Variants in UBE2U observed in about 807,000 individuals in gnomAD.
The protein encoded by UBE2U is ubiquitin-conjugating enzyme E2 U.
In UBE2U, 39 loss-of-function variants were observed where a neutral mutation model predicts 41.2. The observed-to-expected ratio is 0.95, with a 90% CI of 0.73 to 1.24. The LOEUF (loss-of-function observed/expected upper bound fraction) is 1.24, where lower values mean the gene tolerates loss of function less well. Ranked by LOEUF, UBE2U falls within the 50% of genes most tolerant of loss-of-function variation. The probability of loss-of-function intolerance (pLI) is 0.00; values close to 1 mark genes in which losing one functional copy is unlikely to be tolerated. For missense variants in UBE2U, 336 were observed against 363.1 expected, an observed-to-expected ratio of 0.93 and a Z score of 0.61; for synonymous variants, 107 against 117.8, an observed-to-expected ratio of 0.91 and a Z score of 0.60.
intron 6 of UBE2U, among the ~76,000 whole-genome samples, chr1:64,221,646 C>T (rs989758843): frequency 2.6e-5 from 4 of 152,136 alleles, no homozygotes; most frequent in Admixed American, 1.3e-4. Context: ...ACATACGGTT[C>T]GGCGGCATTT....
At chr1:64,220,721 CT>C (rs1223641939) in intron 5 of UBE2U, 137 bp from the exon 6 acceptor site, 5 of 691,922 alleles carry the variant, frequency 7.2e-6, no homozygotes, top group African/African-American at 1.9e-5. Context: ...TGTCATCTTT[CT>C]TTTGCTCTCC....
intron 3 of UBE2U, among the ~76,000 whole-genome samples, chr1:64,209,265 A>T (rs776958708): frequency 6.6e-6 from 1 of 152,182 alleles, no homozygotes; most frequent in Non-Finnish European, 1.5e-5. Context: ...TCCATAAAGT[A>T]GAGGGAACTT....
At chr1:64,247,778 C>T (rs1644944926) in intron 8 of UBE2U, among the ~76,000 whole-genome samples, 1 of 151,132 alleles carries the variant, frequency 6.6e-6, no homozygotes, top group Non-Finnish European at 1.5e-5. Context: ...GTGAGAGGAA[C>T]ATTTGAGCCC....
chr1:64,252,568 G>A (rs940598236), intron 8 of UBE2U, among the ~76,000 whole-genome samples: 1 of 152,124 alleles, frequency 6.6e-6, no homozygotes, highest in African/African-American at 2.4e-5. Context: ...CATCTTTGCT[G>A]TTTTGCAGCC....
rs75482382 is a variant in UBE2U at position 64,241,680 on chromosome 1, G to A, written c.624G>A (p.Gln208=). The A allele has an allele frequency of 3.2e-4, 508 of 1,608,906 alleles. 1 individual carries two copies. In the African/African-American group the frequency reaches 6.3e-3, roughly 20 times the overall value. The change falls in exon 8 of 10, where the codon CAG becomes CAA. Residue 208 remains glutamine, a synonymous_variant. Coordinates refer to ENST00000371077, the MANE Select transcript of UBE2U (RefSeq NM_001366232.2). The stretch of plus-strand genomic sequence containing the variant: ...TCAAAGTTCCAAATTTCATTGGACA[G>A]TATTACAAATGGAAGAAAATGGATC... ...PLLKVPNFIG[Q]YYKWKKMDLQ...
At position 64,210,834 on chromosome 1, in the gene UBE2U, C is replaced by T. The variant is rs750929939; in HGVS notation, c.334C>T (p.Leu112=). 54 of 1,595,206 alleles carry T rather than the reference C, an allele frequency of 3.4e-5. No homozygotes were observed. The highest frequency in any genetic ancestry group is 4.0e-5 in the Non-Finnish European group (47 of 1,170,186). Residue 112 remains leucine, a synonymous_variant, in exon 4 of 10, where the codon CTA becomes TTA. Coordinates refer to ENST00000371077, the MANE Select transcript of UBE2U (RefSeq NM_001366232.2). ...NYTLSSILLA[L]QVMLSNPVLE... is the part of the protein sequence containing the mutation. ...TACATTGAGCAGCATCTTACTTGCC[C>T]TACAGGTAAGAATGGATTTCATATA... is the stretch of plus-strand genomic sequence containing the variant.
intron 7 of UBE2U, among the ~76,000 whole-genome samples, chr1:64,238,263 G>A (rs1398748190): frequency 1.3e-5 from 2 of 151,996 alleles, no homozygotes; most frequent in South Asian, 2.1e-4. Flanking sequence ...AAATTAGCCC[G>A]GCATGGTGGC....
chr1:64,241,853 T>G, intron 8 of UBE2U, 120 bp downstream of exon 8: 1 of 655,420 alleles, frequency 1.5e-6, no homozygotes, highest in Non-Finnish European at 2.6e-6. Context: ...TTATACCCTT[T>G]TCTCAGTATA....
At chr1:64,262,439 C>T (rs1229980575) in intron 9 of UBE2U, among the ~76,000 whole-genome samples, 1 of 152,180 alleles carries the variant, frequency 6.6e-6, no homozygotes, top group Non-Finnish European at 1.5e-5. Flanking sequence ...GCTGCATTCT[C>T]ATCCTAGTGG....
chr1:64,227,124 T>C (rs908040090), intron 6 of UBE2U, among the ~76,000 whole-genome samples: 3 of 152,178 alleles, frequency 2.0e-5, no homozygotes, highest in African/African-American at 7.2e-5. Context: ...AATTCCCTTA[T>C]TTCAGTAATA....
chr1:64,246,264 T>G (rs543869666), intron 8 of UBE2U, among the ~76,000 whole-genome samples: 1 of 152,304 alleles, frequency 6.6e-6, no homozygotes, highest in African/African-American at 2.4e-5. Context: ...TACATATTTT[T>G]TCTACATTTC....
chr1:64,219,009 G>C (rs1652230294), intron 5 of UBE2U, among the ~76,000 whole-genome samples: 1 of 152,084 alleles, frequency 6.6e-6, no homozygotes, highest in Non-Finnish European at 1.5e-5. Flanking sequence ...TGGCCTTTTT[G>C]GTGCCTGCTG....
intron 9 of UBE2U, among the ~76,000 whole-genome samples, 194 bp from the exon 10 acceptor site, chr1:64,266,830 G>A (rs1645261653): frequency 6.6e-6 from 1 of 152,144 alleles, no homozygotes; most frequent in Non-Finnish European, 1.5e-5. Context: ...TCAAAAGATT[G>A]AGCAAAATGG....
chr1:64,243,990 C>T, intron 8 of UBE2U: 1 of 521,414 alleles, frequency 1.9e-6, no homozygotes, highest in Non-Finnish European at 3.6e-6. Context: ...GTGTACCTAC[C>T]TCCCAGGGAA....
At chr1:64,239,735 A>G (rs1382210548) in intron 7 of UBE2U, among the ~76,000 whole-genome samples, 11 of 152,112 alleles carry the variant, frequency 7.2e-5, no homozygotes, top group Non-Finnish European at 2.9e-5. Context: ...TCCATGGTGT[A>G]TATGTGTCAC....
intron 7 of UBE2U, among the ~76,000 whole-genome samples, chr1:64,235,796 A>G (rs1463646600): frequency 6.6e-6 from 1 of 152,166 alleles, no homozygotes; most frequent in Non-Finnish European, 1.5e-5. Flanking sequence ...TTTATGAAGT[A>G]TGCTCCTATA....
At chr1:64,218,418 A>G (rs901372163) in intron 5 of UBE2U, among the ~76,000 whole-genome samples, 8 of 152,330 alleles carry the variant, frequency 5.3e-5, no homozygotes, top group Admixed American at 1.3e-4. Context: ...GAAATGTTAA[A>G]TATTTATTTT....
In UBE2U at chr1:64,213,845, GGCTATGTTATA is replaced by G. The variant is rs545741243; in HGVS notation, c.340-967_340-957del. 2.6e-4 allele frequency among the ~76,000 whole-genome samples: 40 copies of G among 152,186 alleles called. 3 individuals are homozygous for G. The South Asian group carries it at 5.0e-3, about 19-fold the overall frequency. On this transcript the variant is annotated intron_variant, in intron 4 of 9. Coordinates refer to ENST00000371077, the MANE Select transcript of UBE2U (RefSeq NM_001366232.2). ...GATGGTATAGCTTAATACATACGAA[GGCTATGTTATA>G]GCCTGTTGCTCCTAGGCTACAAACC...
chr1:64,210,908 A>T (rs1651626885), intron 4 of UBE2U, 69 bp downstream of exon 4: 2 of 1,104,630 alleles, frequency 1.8e-6, no homozygotes, highest in African/African-American at 1.6e-5. Flanking sequence ...AACTACAAGG[A>T]TTAAAATATA....
Sources: allele counts gnomAD v4.1 joint callset (sites outside exome capture counted in the v4.1 genomes callset), GRCh38; gene constraint gnomAD v4.1.1; transcripts MANE v1.5; gene names NCBI Gene and HGNC (gene_info 2026-07-23, HGNC 2026-07-21).